The following RBFOX3 variants were observed in gnomAD, a reference collection of about 807,000 sequenced individuals.
The protein encoded by RBFOX3 is RNA binding fox-1 homolog 3.
Under a neutral mutation model 48.7 loss-of-function variants are expected in RBFOX3, and 17 were observed. The observed-to-expected ratio is 0.35, with a 90% CI of 0.24 to 0.52. The LOEUF (loss-of-function observed/expected upper bound fraction) is 0.52. Among genes scored for constraint, RBFOX3 ranks in the 20% least tolerant of loss-of-function variants. The probability of loss-of-function intolerance (pLI) is 0.94; values close to 1 mark genes in which losing one functional copy is unlikely to be tolerated. For missense variants in RBFOX3, 382 were observed against 497.5 expected (o/e 0.77, Z 2.21); for synonymous variants, 212 against 209.5 (o/e 1.01, Z -0.10).
At chr17:79,566,462 G>T (rs1372891325) in intron 1 of RBFOX3, among the ~76,000 whole-genome samples, 1 of 152,176 alleles carries the variant, frequency 6.6e-6, no homozygotes, top group Admixed American at 6.5e-5. Flanking sequence ...GCCCAGCACC[G>T]CATCCATCCA....
chr17:79,277,025 C>G (rs918653176), intron 3 of RBFOX3, among the ~76,000 whole-genome samples: 1 of 152,226 alleles, frequency 6.6e-6, no homozygotes, highest in African/African-American at 2.4e-5. Flanking sequence ...CAGCCTCGGC[C>G]TTCTCCAAAC....
intron 1 of RBFOX3, among the ~76,000 whole-genome samples, chr17:79,547,876 C>T (rs1555792428): frequency 6.6e-6 from 1 of 152,180 alleles, no homozygotes; most frequent in African/African-American, 2.4e-5. Flanking sequence ...TCCCGGCACC[C>T]CAGTGAAGGA....
chr17:79,497,373 C>T (rs1313521072), intron 1 of RBFOX3, among the ~76,000 whole-genome samples: 4 of 152,206 alleles, frequency 2.6e-5, no homozygotes, highest in Non-Finnish European at 4.4e-5. Context: ...GCCTCAGACC[C>T]CTAAGGCTTC....
intron 4 of RBFOX3, among the ~76,000 whole-genome samples, chr17:79,206,293 C>G (rs1031766717): frequency 8.5e-5 from 13 of 152,222 alleles, no homozygotes; most frequent in Admixed American, 8.5e-4. Context: ...CAGCTCTAGC[C>G]TAACACTTCC....
chr17:79,246,651 C>A (rs563073433), intron 3 of RBFOX3, among the ~76,000 whole-genome samples: 1 of 152,354 alleles, frequency 6.6e-6, no homozygotes, highest in South Asian at 2.1e-4. Flanking sequence ...TGTTCACAGG[C>A]ACAGCCGGGA....
chr17:79,300,146 CA>C (rs1413696714), intron 3 of RBFOX3, among the ~76,000 whole-genome samples: 1 of 152,196 alleles, frequency 6.6e-6, no homozygotes, highest in Non-Finnish European at 1.5e-5. Context: ...TCAGGTGATC[CA>C]CCCAACTTGT....
chr17:79,657,067 A>T, the RBFOX3 span, among the ~76,000 whole-genome samples: 1 of 152,150 alleles, frequency 6.6e-6, no homozygotes, highest in African/African-American at 2.4e-5. Flanking sequence ...GCCTTTTCAG[A>T]AGGCAGATCT....
intron 4 of RBFOX3, among the ~76,000 whole-genome samples, chr17:79,131,368 C>T (rs902623432): frequency 6.6e-6 from 1 of 152,256 alleles, no homozygotes; most frequent in African/African-American, 2.4e-5. Flanking sequence ...GACAGGAAAA[C>T]AAGCCCCTCG....
intron 2 of RBFOX3, among the ~76,000 whole-genome samples, chr17:79,322,880 C>T (rs1039470302): frequency 2.0e-5 from 3 of 152,220 alleles, no homozygotes; most frequent in African/African-American, 7.2e-5. Flanking sequence ...GTCTACACAG[C>T]CGACTGTCTA....
At chr17:79,178,291 G>A (rs74514238) in intron 4 of RBFOX3, among the ~76,000 whole-genome samples, 5,082 of 152,314 alleles carry the variant, frequency 0.033, 271 homozygotes, top group African/African-American at 0.12. Context: ...ACTTCGCTGG[G>A]TGTCAGGGTT....
intron 3 of RBFOX3, among the ~76,000 whole-genome samples, chr17:79,250,668 G>A (rs1023214514): frequency 2.0e-5 from 3 of 152,144 alleles, no homozygotes; most frequent in Non-Finnish European, 2.9e-5. Flanking sequence ...ATAAAGCAGC[G>A]TTGAGGTGCC....
At position 79,485,565 on chromosome 17, in the gene RBFOX3, C is replaced by T. The variant is rs890789376; in HGVS notation, c.-319-2967G>A. ...CATCCAGCCTAGATTCCACATCCCCCCAGAGGCTGAGCTGAAGGCGGTGCC... is the reference window on the plus strand; with the variant it reads ...CATCCAGCCTAGATTCCACATCCCCTCAGAGGCTGAGCTGAAGGCGGTGCC... On this transcript the variant is annotated intron_variant, in intron 1 of 14. Coordinates refer to ENST00000693108, the MANE Select transcript of RBFOX3 (RefSeq NM_001350451.2). Among the ~76,000 whole-genome samples the T allele has an allele frequency of 4.5e-3, 689 of 152,328 alleles. 4 individuals are homozygous for T. Among genetic ancestry groups the T allele is most frequent in the Non-Finnish European group, 7.7e-3 (524 of 68,022 alleles).
chr17:79,511,402 G>A (rs886179218), intron 1 of RBFOX3, among the ~76,000 whole-genome samples: 21 of 152,238 alleles, frequency 1.4e-4, no homozygotes, highest in African/African-American at 4.6e-4. Flanking sequence ...AGGGATGATC[G>A]TCCTGCCCAT....
intron 1 of RBFOX3, among the ~76,000 whole-genome samples, chr17:79,572,930 A>G (rs1265235656): frequency 2.0e-5 from 3 of 151,992 alleles, no homozygotes; most frequent in African/African-American, 7.3e-5. Flanking sequence ...CATAGCCAGT[A>G]AAACACTAAT....
chr17:79,618,057 C>T, the RBFOX3 span, among the ~76,000 whole-genome samples: 1 of 152,216 alleles, frequency 6.6e-6, no homozygotes, highest in Non-Finnish European at 1.5e-5. Flanking sequence ...CACTTGCACG[C>T]CGTCCGTCTC....
intron 2 of RBFOX3, among the ~76,000 whole-genome samples, chr17:79,377,252 G>A (rs870971): frequency 0.12 from 18,739 of 152,022 alleles, 1,587 homozygotes; most frequent in Non-Finnish European, 0.19. Context: ...GCAGAGACGT[G>A]GACCACAGAT....
intron 1 of RBFOX3, among the ~76,000 whole-genome samples, chr17:79,550,314 T>C (rs2091009142): frequency 6.6e-6 from 1 of 152,126 alleles, no homozygotes; most frequent in Admixed American, 6.5e-5. Context: ...AGCCAGTGTA[T>C]TAACCAGCTC....
chr17:79,335,826 T>A (rs556385965), intron 2 of RBFOX3, among the ~76,000 whole-genome samples: 18 of 152,318 alleles, frequency 1.2e-4, no homozygotes, highest in Admixed American at 5.9e-4. Flanking sequence ...ACTCAGGCAA[T>A]CTCACCTGCC....
At chr17:79,250,126 T>C (rs954377007) in intron 3 of RBFOX3, among the ~76,000 whole-genome samples, 3 of 152,280 alleles carry the variant, frequency 2.0e-5, no homozygotes, top group Admixed American at 1.3e-4. Flanking sequence ...TGCTCAGCAA[T>C]TGCCTTTCGG....
Sources: gnomAD v4.1 joint callset for allele counts (sites outside exome capture counted in the v4.1 genomes callset) on GRCh38, gnomAD v4.1.1 for gene constraint, MANE v1.5 for transcripts, NCBI Gene and HGNC (gene_info 2026-07-23, HGNC 2026-07-21) for gene names.